Variants in MORC3 observed in about 807,000 individuals in gnomAD.
MORC3 encodes MORC family CW-type zinc finger protein 3.
Under a neutral mutation model 109.1 loss-of-function variants are expected in MORC3, and 31 were observed. The observed-to-expected ratio is 0.28, with a 90% CI of 0.21 to 0.38. The LOEUF is 0.38. Among genes scored for constraint, MORC3 ranks in the 10% least tolerant of loss-of-function variants. The pLI is 1.00. For synonymous variants in MORC3, 395 were observed against 380.7 expected, an observed-to-expected ratio of 1.04 and a Z score of -0.44; for missense variants, 867 against 1,135.8, an observed-to-expected ratio of 0.76 and a Z score of 3.40.
At chr21:36,347,437 A>G (rs990431867) in intron 8 of MORC3, among the ~76,000 whole-genome samples, 3 of 152,224 alleles carry the variant, frequency 2.0e-5, no homozygotes, top group South Asian at 2.1e-4. Flanking sequence ...TGTACTGTAC[A>G]TATTTCCTAG....
intron 1 of MORC3, among the ~76,000 whole-genome samples, chr21:36,324,645 C>T (rs768082106): frequency 6.6e-6 from 1 of 150,786 alleles, no homozygotes; most frequent in African/African-American, 2.4e-5. Flanking sequence ...GTTTCTTTTA[C>T]TGTGTATTGT....
At position 36,338,938 on chromosome 21, in the gene MORC3, A is replaced by G. The variant is rs767649330; in HGVS notation, c.608+17A>G. ...TCTTAGAAGGTAAACGTGGACATAG[A>G]TGTTGACCGTTTGGGAAGTAAAGTG... On this transcript the variant is annotated intron_variant, in intron 5 of 16. Transcript: ENST00000400485. The G allele has an allele frequency of 2.5e-6, 4 of 1,611,848 alleles. No individual in the cohort carries two copies. In the African/African-American group the frequency reaches 4.0e-5, roughly 16 times the overall value.
chr21:36,338,724 G>T, intron 4 of MORC3, 50 bp from the exon 5 acceptor site: 4 of 1,471,198 alleles, frequency 2.7e-6, no homozygotes, highest in East Asian at 2.3e-5. Flanking sequence ...TTTTCATATT[G>T]TAATTATGAA....
chr21:36,370,231 A>G (rs533917633), intron 15 of MORC3, among the ~76,000 whole-genome samples: 5 of 152,278 alleles, frequency 3.3e-5, no homozygotes, highest in Admixed American at 6.5e-5. Context: ...CAATTGCTTG[A>G]TTGGAATGCT....
intron 7 of MORC3, 46 bp downstream of exon 7, chr21:36,344,753 T>C (rs755316269): frequency 1.2e-6 from 2 of 1,606,062 alleles, no homozygotes; most frequent in Non-Finnish European, 1.7e-6. Context: ...GTCAGGTGTA[T>C]TCTCTTTTGC....
At chr21:36,340,739 C>T (rs1736315615) in intron 5 of MORC3, among the ~76,000 whole-genome samples, 1 of 150,860 alleles carries the variant, frequency 6.6e-6, no homozygotes, top group African/African-American at 2.4e-5. Flanking sequence ...CGGGTTCAAG[C>T]GATTCTGCTG....
intron 5 of MORC3, among the ~76,000 whole-genome samples, chr21:36,340,392 T>C (rs2146303174): frequency 1.3e-5 from 2 of 152,094 alleles, no homozygotes; most frequent in South Asian, 4.1e-4. Context: ...CTCATGTTGC[T>C]CTTTTGTAGC....
Position 36,362,208 on chromosome 21 carries a change from C to G in MORC3, c.1432C>G (p.Gln478Glu), listed in dbSNP as rs759764759. Reference sequence around the variant, plus strand: ...CAACAAGGAAAAATTCAGGATCAGACAACCGGAAATGATCCCTCGGGTAAT... The same window carrying G: ...CAACAAGGAAAAATTCAGGATCAGAGAACCGGAAATGATCCCTCGGGTAAT... ...KTNKEKFRIR[Q>E]PEMIPRINAE... Residue 478 changes from glutamine to glutamate, a missense_variant, in exon 13 of 17, where the codon CAA (glutamine) becomes GAA (glutamate). Transcript: ENST00000400485. 6.2e-7 allele frequency: 1 copy of G among 1,607,388 alleles called. No individual in the cohort carries two copies. Among genetic ancestry groups the G allele is most frequent in the Non-Finnish European group, 8.5e-7 (1 of 1,177,704 alleles).
intron 16 of MORC3, among the ~76,000 whole-genome samples, chr21:36,373,698 A>G (rs2085897409): frequency 6.6e-6 from 1 of 152,180 alleles, no homozygotes; most frequent in Admixed American, 6.5e-5. Flanking sequence ...ATAAAAGCTC[A>G]CAAAAAAACA....
At chr21:36,364,468 A>G (rs1420233220) in intron 14 of MORC3, among the ~76,000 whole-genome samples, 2 of 152,164 alleles carry the variant, frequency 1.3e-5, no homozygotes, top group Admixed American at 1.3e-4. Flanking sequence ...TAAATTCGTT[A>G]AAAAGTATTA....
intron 6 of MORC3, among the ~76,000 whole-genome samples, chr21:36,342,062 T>C (rs2085454366): frequency 1.3e-5 from 2 of 152,124 alleles, no homozygotes; most frequent in Admixed American, 6.5e-5. Flanking sequence ...ACTCCGTCTC[T>C]ACTAAAAATG....
chr21:36,335,100 T>G (rs752018680), intron 2 of MORC3, among the ~76,000 whole-genome samples: 2 of 152,094 alleles, frequency 1.3e-5, no homozygotes, highest in African/African-American at 2.4e-5. Context: ...CAGCCTGGGC[T>G]ACAGTGAGAC....
intron 9 of MORC3, among the ~76,000 whole-genome samples, chr21:36,354,453 C>A (rs1447283346): frequency 6.6e-6 from 1 of 151,532 alleles, no homozygotes; most frequent in East Asian, 2.0e-4. Flanking sequence ...TACAGGCACA[C>A]GCCATCACGC....
At chr21:36,320,915 C>G (rs778959058) in intron 1 of MORC3, among the ~76,000 whole-genome samples, 14 of 152,198 alleles carry the variant, frequency 9.2e-5, no homozygotes, top group African/African-American at 1.7e-4. Flanking sequence ...TTCTTGGAAA[C>G]CCTGTGAACA....
chr21:36,349,218 A>G (rs2085545378), intron 8 of MORC3, 93 bp from the exon 9 acceptor site: 11 of 791,020 alleles, frequency 1.4e-5, no homozygotes, highest in Non-Finnish European at 2.0e-5. Context: ...AAGATAAAAT[A>G]TAGAAAAATA....
At chr21:36,327,170 T>C (rs2085257886) in intron 1 of MORC3, among the ~76,000 whole-genome samples, 1 of 140,444 alleles carries the variant, frequency 7.1e-6, no homozygotes, top group Non-Finnish European at 1.5e-5. Context: ...TTTTTTTTTT[T>C]TTTTTTTTTT....
At chr21:36,327,516 C>G (rs2085262781) in intron 1 of MORC3, among the ~76,000 whole-genome samples, 1 of 151,162 alleles carries the variant, frequency 6.6e-6, no homozygotes, top group Non-Finnish European at 1.5e-5. Context: ...TTCTAGTGAA[C>G]TGAACAGAGG....
intron 1 of MORC3, among the ~76,000 whole-genome samples, chr21:36,321,463 G>A (rs1442235703): frequency 1.3e-5 from 2 of 151,792 alleles, no homozygotes; most frequent in African/African-American, 2.4e-5. Context: ...CTGGATAAAG[G>A]TCCATCCTTT....
At chr21:36,339,264 C>T (rs1467081621) in intron 5 of MORC3, 5 of 165,596 alleles carry the variant, frequency 3.0e-5, no homozygotes, top group Non-Finnish European at 6.5e-5. Context: ...GGATTACAGT[C>T]GCCTGCCACC....
Sources: allele counts gnomAD v4.1 joint callset (sites outside exome capture counted in the v4.1 genomes callset), GRCh38; gene constraint gnomAD v4.1.1; transcripts MANE v1.5; gene names NCBI Gene and HGNC (gene_info 2026-07-23, HGNC 2026-07-21).